Variants in HOXA11 observed in about 807,000 individuals in gnomAD.
The protein encoded by HOXA11 is homeobox protein Hox-A11.
In HOXA11, 8 loss-of-function variants were observed where a neutral mutation model predicts 22.5. That is an observed-to-expected ratio of 0.36 (90% confidence interval 0.21 to 0.64). The LOEUF (loss-of-function observed/expected upper bound fraction) is 0.64. HOXA11 is among the 30% of genes least tolerant of loss of function. The probability of loss-of-function intolerance (pLI) is 0.67; values close to 1 mark genes in which losing one functional copy is unlikely to be tolerated. For missense variants in HOXA11, 388 were observed against 429.0 expected (o/e 0.90, Z 0.84); for synonymous variants, 211 against 188.4 (o/e 1.12, Z -0.98).
At chr7:27,183,191 G>A (rs1368530569) in intron 1 of HOXA11, among the ~76,000 whole-genome samples, 163 bp from the exon 2 acceptor site, 1 of 152,214 alleles carries the variant, frequency 6.6e-6, no homozygotes, top group Admixed American at 6.5e-5. Context: ...CTGCATGCTT[G>A]GAACGGCCGC....
chr7:27,184,032 C>T (rs964005026), intron 1 of HOXA11, among the ~76,000 whole-genome samples: 2 of 152,044 alleles, frequency 1.3e-5, no homozygotes, highest in Admixed American at 6.5e-5. Flanking sequence ...ACTGGAGTCC[C>T]GGCGCAACAC....
In HOXA11 at chr7:27,184,880, C is replaced by T. The variant is rs775915366; in HGVS notation, c.265G>A (p.Val89Met). Reference protein sequence around the residue: ...LAHCYSAEELVHRDCLQAPSA... With the variant: ...LAHCYSAEELMHRDCLQAPSA... ...GGCGCCTGCAGGCAGTCTCTGTGCACGAGCTCCTCCGCGGAGTAGCAGTGG... is the reference window on the plus strand; with the variant it reads ...GGCGCCTGCAGGCAGTCTCTGTGCATGAGCTCCTCCGCGGAGTAGCAGTGG... The change falls in exon 1 of 2, where the codon GTG (valine) becomes ATG (methionine). Residue 89 changes from valine to methionine, a missense_variant. Val to Met is a conservative substitution (Grantham distance 21, BLOSUM62 1). Transcript: ENST00000006015. 3 of 1,614,026 alleles carry T rather than the reference C, an allele frequency of 1.9e-6. No individual in the cohort carries two copies. In the Admixed American group the frequency reaches 5.0e-5, roughly 27 times the overall value.
In HOXA11 at chr7:27,184,629, G is replaced by A; in HGVS notation, c.516C>T (p.Ala172=). ...DKSAEKGPPA[A]TATSAAAAAA... ...CCGCCGCCGCCGCGGAGGTCGCCGT[G>A]GCCGCCGGGGGCCCCTTCTCGGCGC... Residue 172 remains alanine (A), a synonymous_variant, in exon 1 of 2, where the codon GCC becomes GCT. Coordinates refer to ENST00000006015, the MANE Select transcript of HOXA11 (RefSeq NM_005523.6). 1 of 1,552,570 alleles carries A rather than the reference G, an allele frequency of 6.4e-7. No individual in the cohort carries two copies.
chr7:27,185,119 C>T lies in HOXA11; in HGVS notation c.26G>A (p.Cys9Tyr). MDFDERGP[C>Y]SSNMYLPSCT... Reference sequence around the variant, plus strand: ...ACTTGGCAAATACATGTTAGAGGAGCAGGGACCACGCTCATCAAAATCCAT... The same window carrying T: ...ACTTGGCAAATACATGTTAGAGGAGTAGGGACCACGCTCATCAAAATCCAT... The change falls in exon 1 of 2, where the codon TGC becomes TAC. Residue 9 changes from cysteine (C) to tyrosine (Y), a missense_variant. Physicochemically the swap from Cys to Tyr is radical, Grantham distance 194. Transcript: ENST00000006015. The T allele has an allele frequency of 1.2e-6, 2 of 1,614,072 alleles. No individual in the cohort carries two copies. Among genetic ancestry groups the T allele is most frequent in the Non-Finnish European group, 1.7e-6 (2 of 1,179,998 alleles).
chr7:27,182,750 A>T lies in HOXA11; in HGVS notation c.*46T>A. The T allele has an allele frequency of 8.4e-7, 1 of 1,195,454 alleles. No individual in the cohort carries two copies. Among genetic ancestry groups the T allele is most frequent in the Non-Finnish European group, 1.3e-6 (1 of 798,564 alleles). 74.1% of individuals were successfully genotyped at this position (1,195,454 alleles called of 1,614,324 possible). ...TTGTCAAGGGCAAAATCTGCATATT[A>T]TCTCATGTGTATGAAGCCCCCCACC... On this transcript the variant is annotated 3_prime_UTR_variant, in exon 2 of 2. Coordinates refer to ENST00000006015, the MANE Select transcript of HOXA11 (RefSeq NM_005523.6).
In HOXA11 at chr7:27,181,447, T is replaced by C. The variant is rs75993563; in HGVS notation, c.*1349A>G. 3.1e-4 allele frequency: 11 copies of C among 34,926 alleles called. No homozygotes were observed. The highest frequency in any genetic ancestry group is 6.5e-4 in the Admixed American group (2 of 3,086). 2.2% of individuals were successfully genotyped at this position (34,926 alleles called of 1,614,324 possible). On this transcript the variant is annotated 3_prime_UTR_variant, in exon 2 of 2. Transcript: ENST00000006015. ...CATTCTCAATACCTTTTCCACCCCC[T>C]CCAACACCCTAAAGGAAATCAACTA...
chr7:27,184,967 C>G lies in HOXA11; in HGVS notation c.178G>C (p.Val60Leu). Residue 60 changes from valine to leucine, a missense_variant, in exon 1 of 2, where the codon GTG (valine) becomes CTG (leucine). Around this residue, in one of 4 missense-constraint regions of HOXA11, gnomAD observed 295 missense variants for 281.1 expected, o/e 1.05. Coordinates refer to ENST00000006015, the MANE Select transcript of HOXA11 (RefSeq NM_005523.6). ...NLPQVQPVREVTFREYAIEPA... is the reference protein window; with the variant it reads ...NLPQVQPVRELTFREYAIEPA... ...TCAATGGCGTACTCTCTGAAGGTCACTTCGCGCACGGGTTGGACCTGGGGC... is the reference window on the plus strand; with the variant it reads ...TCAATGGCGTACTCTCTGAAGGTCAGTTCGCGCACGGGTTGGACCTGGGGC... 1 of 1,613,988 alleles carries G rather than the reference C, an allele frequency of 6.2e-7. No individual in the cohort carries two copies. The highest frequency in any genetic ancestry group is 8.5e-7 in the Non-Finnish European group (1 of 1,179,886).
chr7:27,181,608 C>T lies in HOXA11; in HGVS notation c.*1188G>A, dbSNP rs67971665. ...TCTTAGCAGTGAGCGAGTTTAACCA[C>T]GGAACACTGTAAACAGATAGGGCCT... is the stretch of plus-strand genomic sequence containing the variant. On this transcript the variant is annotated 3_prime_UTR_variant, in exon 2 of 2. Transcript: ENST00000006015. The T allele has an allele frequency of 0.025, 4,643 of 187,680 alleles. 80 individuals carry two copies. Among genetic ancestry groups the T allele is most frequent in the African/African-American group, 0.039 (1,659 of 42,856 alleles). 11.6% of individuals were successfully genotyped at this position (187,680 alleles called of 1,614,324 possible). A position where few individuals can be genotyped will look rare whatever the true frequency, so the allele number is the denominator to read the frequency against.
rs1377555157 is a variant in HOXA11 at position 27,181,228 on chromosome 7, A to T, written c.*1568T>A. Reference sequence around the variant, plus strand: ...AAGTGCTGCAACACACACGGTGGGTAAGAACCAGAATTGAGGACAGGCCAA... The same window carrying T: ...AAGTGCTGCAACACACACGGTGGGTTAGAACCAGAATTGAGGACAGGCCAA... On this transcript the variant is annotated 3_prime_UTR_variant, in exon 2 of 2. Coordinates refer to ENST00000006015, the MANE Select transcript of HOXA11 (RefSeq NM_005523.6). Among the ~76,000 whole-genome samples the T allele has an allele frequency of 6.6e-6, 1 of 152,352 alleles. No individual in the cohort carries two copies. The highest frequency in any genetic ancestry group is 2.4e-5 in the African/African-American group (1 of 41,574).
At chr7:27,184,212 T>C (rs2115462232) in intron 1 of HOXA11, among the ~76,000 whole-genome samples, 1 of 152,108 alleles carries the variant, frequency 6.6e-6, no homozygotes, top group East Asian at 1.9e-4. Context: ...AAAGGGGAGT[T>C]GTTTTTTTTT....
chr7:27,184,619 A>T lies in HOXA11; in HGVS notation c.526T>A (p.Ser176Thr). The change falls in exon 1 of 2, where the codon TCC (serine) becomes ACC (threonine). Residue 176 changes from serine to threonine, a missense_variant. This residue lies in a region of HOXA11 where 295 missense variants were observed against 281.1 expected (regional missense o/e 1.05). Coordinates refer to ENST00000006015, the MANE Select transcript of HOXA11 (RefSeq NM_005523.6). ...EKGPPAATAT[S>T]AAAAAAATGA... is the part of the protein sequence containing the mutation. ...GTTGCAGCCGCCGCCGCCGCCGCGGAGGTCGCCGTGGCCGCCGGGGGCCCC... is the reference window on the plus strand; with the variant it reads ...GTTGCAGCCGCCGCCGCCGCCGCGGTGGTCGCCGTGGCCGCCGGGGGCCCC... 3 of 1,529,922 alleles carry T rather than the reference A, an allele frequency of 2.0e-6. No homozygotes were observed. The highest frequency in any genetic ancestry group is 2.6e-6 in the Non-Finnish European group (3 of 1,140,346). The allele number at this position is 1,529,922 out of a possible 1,614,324, so 94.8% of individuals were successfully genotyped here.
intron 1 of HOXA11, among the ~76,000 whole-genome samples, chr7:27,183,847 A>C (rs1783808598): frequency 6.6e-6 from 1 of 151,870 alleles, no homozygotes; most frequent in Non-Finnish European, 1.5e-5. Context: ...GTTGGGCAGA[A>C]GGAGGCACGT....
intron 1 of HOXA11, among the ~76,000 whole-genome samples, chr7:27,183,711 C>T (rs2115461781): frequency 7.2e-6 from 1 of 139,230 alleles, no homozygotes; most frequent in South Asian, 2.3e-4. Flanking sequence ...AAGGGGGCTT[C>T]CCGAAGCTGC....
rs762715129 is a variant in HOXA11, at chr7:27,184,635, C to T, written c.510G>A (p.Pro170=). Residue 170 remains proline (P), a synonymous_variant, in exon 1 of 2, where the codon CCG becomes CCA. Transcript: ENST00000006015. ...CCGCCGCGGAGGTCGCCGTGGCCGC[C>T]GGGGGCCCCTTCTCGGCGCTCTTGT... The part of the protein sequence containing the change: ...PGDKSAEKGP[P]AATATSAAAA... 1.3e-6 allele frequency: 2 copies of T among 1,574,344 alleles called. No homozygotes were observed. Among genetic ancestry groups the T allele is most frequent in the East Asian group, 2.4e-5 (1 of 41,282 alleles).
At chr7:27,183,518 C>T (rs1484924836) in intron 1 of HOXA11, among the ~76,000 whole-genome samples, 2 of 152,208 alleles carry the variant, frequency 1.3e-5, no homozygotes, top group South Asian at 2.1e-4. Context: ...GGGCGGCTGC[C>T]GGGTCTTTGT....
In HOXA11 at chr7:27,184,503, C is replaced by A; in HGVS notation, c.642G>T (p.Arg214=). ...AAAAEEKERR[R]RPESSSSPES... is the part of the protein sequence containing the mutation. ...CGGGGCTGCTGCTGCTCTCGGGGCG[C>A]CGCCGCCGCTCTTTCTCCTCTGCTG... The change falls in exon 1 of 2, where the codon CGG becomes CGT. Residue 214 remains arginine (R), a synonymous_variant. Coordinates refer to ENST00000006015, the MANE Select transcript of HOXA11 (RefSeq NM_005523.6). 1 of 1,535,240 alleles carries A rather than the reference C, an allele frequency of 6.5e-7. No individual in the cohort carries two copies.
chr7:27,183,068 G>A (rs553465836), intron 1 of HOXA11, 40 bp from the exon 2 acceptor site: 6 of 1,383,664 alleles, frequency 4.3e-6, no homozygotes, highest in African/African-American at 1.4e-5. Flanking sequence ...CCAGGTGTGG[G>A]GGCTGCAATC....
Position 27,184,940 on chromosome 7 carries a change from G to C in HOXA11, c.205C>G (p.Pro69Ala). 6.2e-7 allele frequency: 1 copy of C among 1,613,854 alleles called. No homozygotes were observed. Among genetic ancestry groups the C allele is most frequent in the Non-Finnish European group, 8.5e-7 (1 of 1,179,896 alleles). The change falls in exon 1 of 2, where the codon CCC becomes GCC. Residue 69 changes from proline (P) to alanine (A), a missense_variant. Physicochemically the swap from Pro to Ala is conservative, Grantham distance 27. This residue lies in a region of HOXA11 where 295 missense variants were observed against 281.1 expected (regional missense o/e 1.05). Transcript: ENST00000006015. ...EVTFREYAIEPATKWHPRGNL... is the reference protein window; with the variant it reads ...EVTFREYAIEAATKWHPRGNL... ...CCGCGGGGGTGCCATTTAGTGGCGGGCTCAATGGCGTACTCTCTGAAGGTC... is the reference window on the plus strand; with the variant it reads ...CCGCGGGGGTGCCATTTAGTGGCGGCCTCAATGGCGTACTCTCTGAAGGTC...
In HOXA11 at chr7:27,184,609, G is replaced by A; in HGVS notation, c.536C>T (p.Ala179Val). ...CGGCGCGCCCGTTGCAGCCGCCGCC[G>A]CCGCCGCGGAGGTCGCCGTGGCCGC... Reference protein sequence around the residue: ...PPAATATSAAAAAAATGAPAT... With the variant: ...PPAATATSAAVAAAATGAPAT... Residue 179 changes from alanine (A) to valine (V), a missense_variant, in exon 1 of 2, where the codon GCG becomes GTG. Transcript: ENST00000006015. 6.6e-7 allele frequency: 1 copy of A among 1,506,050 alleles called. No homozygotes were observed. Among genetic ancestry groups the A allele is most frequent in the Admixed American group, 2.3e-5 (1 of 44,170 alleles). The allele number at this position is 1,506,050 out of a possible 1,614,324, so 93.3% of individuals were successfully genotyped here.
Sources: allele counts gnomAD v4.1 joint callset (sites outside exome capture counted in the v4.1 genomes callset), GRCh38; gene constraint gnomAD v4.1.1; regional missense constraint gnomAD v4.1.1; transcripts MANE v1.5; gene names NCBI Gene and HGNC (gene_info 2026-07-23, HGNC 2026-07-21).